MYO10: variants seen among roughly 807,000 people sequenced by gnomAD.
The protein encoded by MYO10 is myosin X, also known as unconventional myosin-X.
Under a neutral mutation model 257.3 loss-of-function variants are expected in MYO10, and 133 were observed. The observed-to-expected ratio is 0.52, with a 90% CI of 0.45 to 0.60. MYO10 has a LOEUF of 0.60. Ranked by LOEUF, MYO10 falls within the 20% of genes least tolerant of loss-of-function variation. MYO10 has a pLI of 0.00. For synonymous variants in MYO10, 1,104 were observed against 1,028.6 expected (o/e 1.07, Z -1.40); for missense variants, 2,399 against 2,635.7 (o/e 0.91, Z 1.97).
chr5:16,798,058 A>G (rs563404617), intron 3 of MYO10, among the ~76,000 whole-genome samples: 1 of 152,278 alleles, frequency 6.6e-6, no homozygotes, highest in East Asian at 1.9e-4. Context: ...TTCGACATGC[A>G]TTCTCTCTGT....
intron 11 of MYO10, among the ~76,000 whole-genome samples, chr5:16,765,036 C>T (rs907975821): frequency 2.6e-5 from 4 of 152,118 alleles, no homozygotes; most frequent in Non-Finnish European, 5.9e-5. Context: ...TAAAATTTTT[C>T]TGATTTTCTA....
intron 1 of MYO10, among the ~76,000 whole-genome samples, chr5:16,880,134 C>T (rs1360585812): frequency 3.3e-5 from 5 of 152,226 alleles, no homozygotes; most frequent in Admixed American, 2.0e-4. Context: ...GAATTGAGAT[C>T]GTGCCACTAC....
chr5:16,818,754 C>T (rs934099140), intron 2 of MYO10, among the ~76,000 whole-genome samples: 5 of 151,980 alleles, frequency 3.3e-5, no homozygotes, highest in Non-Finnish European at 7.4e-5. Context: ...CTATATATTT[C>T]TAAAAGAAGC....
chr5:16,789,560 G>T (rs544791677), intron 4 of MYO10, among the ~76,000 whole-genome samples: 4 of 152,252 alleles, frequency 2.6e-5, no homozygotes, highest in Non-Finnish European at 4.4e-5. Flanking sequence ...GGCTGAGGCA[G>T]GCAGATCATT....
chr5:16,764,217 AG>A, intron 12 of MYO10, 32 bp downstream of exon 12: 1 of 1,610,048 alleles, frequency 6.2e-7, no homozygotes, highest in Non-Finnish European at 8.5e-7. Context: ...TGGACAGAAG[AG>A]AATTCACGTG....
At chr5:16,783,947 C>T (rs1741498289) in intron 4 of MYO10, among the ~76,000 whole-genome samples, 3 of 152,214 alleles carry the variant, frequency 2.0e-5, no homozygotes, top group Admixed American at 2.0e-4. Flanking sequence ...CCTGCGGGTA[C>T]ACAACCCACA....
intron 33 of MYO10, among the ~76,000 whole-genome samples, chr5:16,676,681 A>C (rs886800089): frequency 6.6e-6 from 1 of 152,048 alleles, no homozygotes; most frequent in Non-Finnish European, 1.5e-5. Context: ...ATGCCACGGC[A>C]CTCCAGCCTG....
intron 2 of MYO10, among the ~76,000 whole-genome samples, 165 bp from the exon 3 acceptor site, chr5:16,818,332 ATCTC>A (rs536159757): frequency 0.014 from 1,973 of 142,522 alleles, 24 homozygotes; most frequent in Non-Finnish European, 0.017. Flanking sequence ...TATGTCACCT[ATCTC>A]TCTCTCTCTC....
At chr5:16,831,024 C>A (rs76845481) in intron 2 of MYO10, among the ~76,000 whole-genome samples, 3 of 151,982 alleles carry the variant, frequency 2.0e-5, no homozygotes, top group African/African-American at 7.2e-5. Context: ...TGGGATGTTA[C>A]GCTCTGGTTT....
intron 19 of MYO10, among the ~76,000 whole-genome samples, chr5:16,734,967 A>C (rs1739731044): frequency 6.6e-6 from 1 of 152,066 alleles, no homozygotes; most frequent in Non-Finnish European, 1.5e-5. Flanking sequence ...CTACCCTACA[A>C]AGGGTGGCTT....
intron 3 of MYO10, among the ~76,000 whole-genome samples, chr5:16,797,288 G>T (rs1560990280): frequency 6.6e-6 from 1 of 152,138 alleles, no homozygotes; most frequent in African/African-American, 2.4e-5. Flanking sequence ...TGCCCAACTG[G>T]TAAGTATAAT....
chr5:16,821,924 A>G (rs377332812), intron 2 of MYO10, among the ~76,000 whole-genome samples: 10 of 18,284 alleles, frequency 5.5e-4, no homozygotes, highest in Non-Finnish European at 2.6e-3. Context: ...AAGAGGGGGA[A>G]AAAAAAAAGC....
chr5:16,846,301 T>C (rs528399381), intron 2 of MYO10, among the ~76,000 whole-genome samples: 1 of 152,338 alleles, frequency 6.6e-6, no homozygotes, highest in South Asian at 2.1e-4. Flanking sequence ...TGCCAAACTT[T>C]CTGCAACATT....
chr5:16,823,448 C>A lies in MYO10; in HGVS notation c.121-5281G>T, dbSNP rs6864373. ...TGACAGGGCAAGACTCCATCTTGCG[C>A]GGGGGGGGGGGGAGTGGGGATTTTT... On this transcript the variant is annotated intron_variant, in intron 2 of 40. Transcript: ENST00000513610. 1.4e-3 allele frequency among the ~76,000 whole-genome samples: 7 copies of A among 4,972 alleles called. 2 individuals carry two copies. The highest frequency in any genetic ancestry group is 2.6e-3 in the Non-Finnish European group (7 of 2,660). 3.3% of individuals were successfully genotyped at this position (4,972 alleles called of 152,430 possible). A position where few individuals can be genotyped will look rare whatever the true frequency, so the allele number is the denominator to read the frequency against.
rs146037063 is a variant in MYO10, at chr5:16,822,327, T to C, written c.121-4160A>G. ...GAAAAAATTTTAGAAATTTAGAAAATCACTCATTCAAGCAAATTTTTAAAC... is the reference window on the plus strand; with the variant it reads ...GAAAAAATTTTAGAAATTTAGAAAACCACTCATTCAAGCAAATTTTTAAAC... On this transcript the variant is annotated intron_variant, in intron 2 of 40. Transcript: ENST00000513610. Among the ~76,000 whole-genome samples the C allele has an allele frequency of 9.8e-3, 1,495 of 151,908 alleles. 22 individuals are homozygous for C. Among genetic ancestry groups the C allele is most frequent in the African/African-American group, 0.033 (1,373 of 41,432 alleles).
rs79540076 is a variant in MYO10, at chr5:16,865,866, C to G, written c.120+11743G>C. Among the ~76,000 whole-genome samples, 567 of 149,412 alleles carry G rather than the reference C, an allele frequency of 3.8e-3. 1 individual carries two copies. The highest frequency in any genetic ancestry group is 0.013 in the African/African-American group (531 of 40,770). On this transcript the variant is annotated intron_variant, in intron 2 of 40. Transcript: ENST00000513610. ...AAATAAATAACAAACGGAGTTATTGCTTAACAGGCTCGGAGTTTTTGTTTG... is the reference window on the plus strand; with the variant it reads ...AAATAAATAACAAACGGAGTTATTGGTTAACAGGCTCGGAGTTTTTGTTTG...
intron 6 of MYO10, among the ~76,000 whole-genome samples, chr5:16,781,485 C>T (rs900600005): frequency 1.3e-4 from 20 of 152,166 alleles, no homozygotes; most frequent in Non-Finnish European, 2.5e-4. Flanking sequence ...CCTCCTGCCT[C>T]AGCCTCCCAA....
chr5:16,861,045 C>T (rs1329959093), intron 2 of MYO10, among the ~76,000 whole-genome samples: 1 of 151,988 alleles, frequency 6.6e-6, no homozygotes, highest in African/African-American at 2.4e-5. Flanking sequence ...AAAAAACATA[C>T]CATGGCCTGA....
chr5:16,745,514 C>CA (rs1740167042), intron 19 of MYO10, among the ~76,000 whole-genome samples: 1 of 151,764 alleles, frequency 6.6e-6, no homozygotes, highest in African/African-American at 2.4e-5. Flanking sequence ...AGTAAGACCT[C>CA]GTCTCTATGA....
Sources: gnomAD v4.1 joint callset for allele counts (sites outside exome capture counted in the v4.1 genomes callset) on GRCh38, gnomAD v4.1.1 for gene constraint, MANE v1.5 for transcripts, NCBI Gene and HGNC (gene_info 2026-07-23, HGNC 2026-07-21) for gene names.